The following GLRA2 variants were observed in gnomAD, a reference collection of about 807,000 sequenced individuals.
The protein encoded by GLRA2 is glycine receptor alpha 2, also known as glycine receptor subunit alpha-2.
GLRA2 carries 11 observed loss-of-function variants against 31.6 expected under a neutral mutation model. That is an observed-to-expected ratio of 0.35 (90% CI 0.22 to 0.58). GLRA2 has a LOEUF of 0.58. Among genes scored for constraint, GLRA2 ranks in the 20% least tolerant of loss-of-function variants. The pLI is 0.84. For synonymous variants in GLRA2, 132 were observed against 134.0 expected (o/e 0.99, Z 0.10); for missense variants, 212 against 351.8 (o/e 0.60, Z 3.18).
intron 2 of GLRA2, among the ~76,000 whole-genome samples, chrX:14,551,533 G>T (rs897172553): frequency 9.0e-6 from 1 of 110,968 alleles, no homozygotes; most frequent in African/African-American, 3.3e-5. Context: ...GAGATACAGG[G>T]ACTACTTCCT....
intron 7 of GLRA2, among the ~76,000 whole-genome samples, chrX:14,625,187 T>G (rs945051643): frequency 9.0e-6 from 1 of 111,407 alleles, no homozygotes; most frequent in African/African-American, 3.3e-5. Flanking sequence ...TTTTTTTGTT[T>G]TCCATTTGCT....
intron 6 of GLRA2, among the ~76,000 whole-genome samples, chrX:14,607,621 G>A (rs1365113525): frequency 2.7e-5 from 3 of 111,492 alleles, no homozygotes; most frequent in Non-Finnish European, 5.7e-5. Context: ...TCTGGCATCC[G>A]CTCTTGCCAT....
chrX:14,600,089 T>G (rs1240061424), intron 4 of GLRA2, among the ~76,000 whole-genome samples: 1 of 111,089 alleles, frequency 9.0e-6, no homozygotes, highest in Non-Finnish European at 1.9e-5. Context: ...GAGACAAGAT[T>G]CAGGGATAGG....
chrX:14,643,315 T>C (rs777828875), intron 7 of GLRA2, among the ~76,000 whole-genome samples: 1 of 111,665 alleles, frequency 9.0e-6, no homozygotes, highest in Non-Finnish European at 1.9e-5. Flanking sequence ...AGCTGATACA[T>C]GGGTGTTGCT....
intron 2 of GLRA2, among the ~76,000 whole-genome samples, chrX:14,539,370 C>T (rs1026950979): frequency 9.0e-6 from 1 of 111,323 alleles, no homozygotes; most frequent in Non-Finnish European, 1.9e-5. Flanking sequence ...TTGTATGAAG[C>T]GTTTGCTCAT....
intron 7 of GLRA2, among the ~76,000 whole-genome samples, chrX:14,625,394 T>G (rs1306792821): frequency 9.0e-6 from 1 of 111,672 alleles, no homozygotes; most frequent in Non-Finnish European, 1.9e-5. Context: ...GTCATTATGA[T>G]GCTAGCTGGT....
In GLRA2 at chrX:14,725,317, G is replaced by A. The variant is rs147607043; in HGVS notation, c.1081-4890G>A. 9.9e-3 allele frequency among the ~76,000 whole-genome samples: 1,110 copies of A among 111,920 alleles called. 5 individuals are homozygous for A. The highest frequency in any genetic ancestry group is 0.018 in the Non-Finnish European group (970 of 53,170). ...GGCCATTCCTCTTATATCCAGGTCTGTGATTAAGCATCATTCAACCATCAT... is the reference window on the plus strand; with the variant it reads ...GGCCATTCCTCTTATATCCAGGTCTATGATTAAGCATCATTCAACCATCAT... On this transcript the variant is annotated intron_variant, in intron 8 of 8. Transcript: ENST00000218075.
chrX:14,488,976 A>G, the GLRA2 span, among the ~76,000 whole-genome samples: 1 of 111,444 alleles, frequency 9.0e-6, no homozygotes, highest in Non-Finnish European at 1.9e-5. Context: ...AAGCCTGTGT[A>G]TTGTGGACAC....
At chrX:14,507,033 T>C in the GLRA2 span, among the ~76,000 whole-genome samples, 1 of 112,010 alleles carries the variant, frequency 8.9e-6, no homozygotes, top group Middle Eastern at 4.6e-3. Flanking sequence ...CAAGCTACAC[T>C]CTACATTCCA....
the GLRA2 span, among the ~76,000 whole-genome samples, chrX:14,487,654 G>A: frequency 2.1e-3 from 236 of 111,710 alleles, 1 homozygote; most frequent in Non-Finnish European, 3.4e-3. Flanking sequence ...GTTGTGAGCA[G>A]AATTTAATCT....
At chrX:14,498,768 C>G in the GLRA2 span, among the ~76,000 whole-genome samples, 1 of 111,123 alleles carries the variant, frequency 9.0e-6, no homozygotes, top group Non-Finnish European at 1.9e-5. Flanking sequence ...TTCCCCCCAC[C>G]CTGTACCCTT....
intron 1 of GLRA2, chrX:14,531,192 C>T: frequency 1.1e-6 from 1 of 884,253 alleles, no homozygotes; most frequent in Non-Finnish European, 1.5e-6. Flanking sequence ...AGTATTTATG[C>T]ATGCTCATAT....
chrX:14,645,829 A>C (rs903241133), intron 7 of GLRA2, among the ~76,000 whole-genome samples: 2 of 111,903 alleles, frequency 1.8e-5, no homozygotes, highest in Non-Finnish European at 3.8e-5. Flanking sequence ...GCCTATTCCC[A>C]TGCTTTGCTG....
At chrX:14,517,333 G>C in the GLRA2 span, among the ~76,000 whole-genome samples, 1 of 111,874 alleles carries the variant, frequency 8.9e-6, no homozygotes, top group South Asian at 3.7e-4. Flanking sequence ...GATTGTATTA[G>C]TCCATTCTCA....
intron 8 of GLRA2, among the ~76,000 whole-genome samples, chrX:14,693,948 C>T (rs1187372777): frequency 9.0e-6 from 1 of 111,409 alleles, no homozygotes; most frequent in African/African-American, 3.2e-5. Flanking sequence ...AAAATGTATA[C>T]TTCAAATGCA....
At chrX:14,575,286 T>C (rs931658269) in intron 3 of GLRA2, among the ~76,000 whole-genome samples, 8 of 108,790 alleles carry the variant, frequency 7.4e-5, no homozygotes, top group Admixed American at 3.0e-4. Context: ...CTGCAACCTC[T>C]GGCTCCCAGG....
intron 7 of GLRA2, among the ~76,000 whole-genome samples, chrX:14,689,811 T>G (rs1344070557): frequency 8.9e-6 from 1 of 112,259 alleles, no homozygotes; most frequent in Non-Finnish European, 1.9e-5. Flanking sequence ...TTCCTCCAAT[T>G]ATTTTTCCCT....
chrX:14,526,301 C>A (rs1244839887), upstream of GLRA2, among the ~76,000 whole-genome samples: 1 of 112,403 alleles, frequency 8.9e-6, no homozygotes, highest in African/African-American at 3.2e-5. Context: ...CCATGTGGAA[C>A]CTTTAGGTCA....
At chrX:14,518,464 T>C in the GLRA2 span, among the ~76,000 whole-genome samples, 3 of 111,322 alleles carry the variant, frequency 2.7e-5, no homozygotes, top group South Asian at 7.5e-4. Context: ...AAACTGGAAA[T>C]GATCCAAAGC....
Sources: allele counts gnomAD v4.1 joint callset (sites outside exome capture counted in the v4.1 genomes callset), GRCh38; gene constraint gnomAD v4.1.1; transcripts MANE v1.5; gene names NCBI Gene and HGNC (gene_info 2026-07-23, HGNC 2026-07-21).